The following CADPS2 variants were observed in gnomAD, a reference collection of about 807,000 sequenced individuals.
CADPS2 encodes the protein calcium dependent secretion activator 2.
CADPS2 carries 93 observed loss-of-function variants against 172.5 expected under a neutral mutation model. That is an observed-to-expected ratio of 0.54 (90% CI 0.46 to 0.64). The LOEUF is 0.64. CADPS2 is among the 30% of genes least tolerant of loss of function. The pLI is 0.00. For synonymous variants in CADPS2, 546 were observed against 555.2 expected, an observed-to-expected ratio of 0.98 and a Z score of 0.23; for missense variants, 1,420 against 1,565.9, an observed-to-expected ratio of 0.91 and a Z score of 1.57.
At chr7:122,384,887 G>A (rs554303407) in intron 24 of CADPS2, among the ~76,000 whole-genome samples, 3 of 152,116 alleles carry the variant, frequency 2.0e-5, no homozygotes, top group Admixed American at 2.0e-4. Context: ...TACAGGGGAG[G>A]ATTTTTAAAG....
intron 25 of CADPS2, among the ~76,000 whole-genome samples, chr7:122,364,617 C>T (rs2151178159): frequency 6.6e-6 from 1 of 151,590 alleles, no homozygotes; most frequent in Non-Finnish European, 1.5e-5. Flanking sequence ...GTCTCAGCTA[C>T]TCAGGAGACT....
chr7:122,584,836 T>C (rs2069402883), intron 6 of CADPS2, among the ~76,000 whole-genome samples: 2 of 152,012 alleles, frequency 1.3e-5, no homozygotes, highest in Non-Finnish European at 2.9e-5. Flanking sequence ...CTATTTTTAT[T>C]ACATCAGATT....
chr7:122,625,765 C>A (rs1321770699), intron 4 of CADPS2, among the ~76,000 whole-genome samples: 1 of 151,948 alleles, frequency 6.6e-6, no homozygotes, highest in Non-Finnish European at 1.5e-5. Context: ...ATCTCTCTCT[C>A]TCTCTCTCCC....
intron 2 of CADPS2, among the ~76,000 whole-genome samples, chr7:122,711,771 G>A (rs547508003): frequency 6.6e-6 from 1 of 152,086 alleles, no homozygotes; most frequent in East Asian, 1.9e-4. Context: ...TCCTGCCTCA[G>A]CCCCCTGAAT....
chr7:122,536,078 A>G (rs572430972), intron 8 of CADPS2, among the ~76,000 whole-genome samples: 28 of 152,128 alleles, frequency 1.8e-4, no homozygotes, highest in Non-Finnish European at 3.5e-4. Flanking sequence ...GGTTTCTCCA[A>G]ACCTAAATTT....
chr7:122,424,347 G>C (rs1478491360), intron 17 of CADPS2: 1 of 984,584 alleles, frequency 1.0e-6, no homozygotes, highest in Non-Finnish European at 1.2e-6. Context: ...TTTCGCATCT[G>C]TAAATTCATT....
intron 9 of CADPS2, 127 bp downstream of exon 9, chr7:122,513,122 T>A: frequency 3.1e-6 from 2 of 647,370 alleles, no homozygotes; most frequent in Non-Finnish European, 5.4e-6. Context: ...ATGTACTGCT[T>A]TTATTTAAAG....
chr7:122,660,334 T>G (rs979971004), intron 3 of CADPS2, among the ~76,000 whole-genome samples: 1 of 152,124 alleles, frequency 6.6e-6, no homozygotes, highest in African/African-American at 2.4e-5. Flanking sequence ...TTTAAAAATA[T>G]GTATTTTAAA....
At chr7:122,829,779 TTTAGAAGTCTTCATTAA>T in intron 1 of CADPS2, among the ~76,000 whole-genome samples, 1 of 152,084 alleles carries the variant, frequency 6.6e-6, no homozygotes, top group East Asian at 1.9e-4. Context: ...AATATTTATT[TTTAGAAGTCTTCATTAA>T]TTACAATATC....
intron 1 of CADPS2, among the ~76,000 whole-genome samples, chr7:122,858,017 G>A (rs1815791490): frequency 1.3e-5 from 2 of 152,096 alleles, no homozygotes; most frequent in Non-Finnish European, 2.9e-5. Flanking sequence ...AAAGAACAAA[G>A]CTTCCACAGT....
At chr7:122,713,956 T>C (rs183285059) in intron 2 of CADPS2, among the ~76,000 whole-genome samples, 149 of 152,224 alleles carry the variant, frequency 9.8e-4, no homozygotes, top group African/African-American at 3.4e-3. Flanking sequence ...GCTGGCACAA[T>C]ATTTTTCAAT....
intron 1 of CADPS2, among the ~76,000 whole-genome samples, chr7:122,737,733 TTAAC>T (rs1350567662): frequency 6.6e-6 from 1 of 152,088 alleles, no homozygotes; most frequent in African/African-American, 2.4e-5. Context: ...GGATAAGAAA[TTAAC>T]TAATAGTTAA....
At position 122,737,506 on chromosome 7, in the gene CADPS2, C is replaced by T. The variant is rs1028705444; in HGVS notation, c.340-438G>A. On this transcript the variant is annotated intron_variant, in intron 1 of 29. Transcript: ENST00000449022. ...GATTACAGGCATGAGCCACTGCACC[C>T]GGACACTAATGGTTAGACTTTAAAA... Among the ~76,000 whole-genome samples the T allele has an allele frequency of 2.0e-4, 31 of 152,194 alleles. 1 individual carries two copies. Among genetic ancestry groups the T allele is most frequent in the Admixed American group, 5.2e-4 (8 of 15,286 alleles).
At chr7:122,333,459 A>G (rs2035337549) in intron 28 of CADPS2, among the ~76,000 whole-genome samples, 2 of 152,110 alleles carry the variant, frequency 1.3e-5, no homozygotes, top group Admixed American at 1.3e-4. Flanking sequence ...GTCCCCCAGG[A>G]ACCTTTTTCA....
chr7:122,615,162 C>T lies in CADPS2; in HGVS notation c.1223+19G>A. On this transcript the variant is annotated intron_variant, in intron 6 of 29. Coordinates refer to ENST00000449022, the MANE Select transcript of CADPS2 (RefSeq NM_017954.11). ...AAAAACAAACAACAACAATAATACA[C>T]TTTTTTCAACTGGCTTACTGTGGCC... 7.0e-7 allele frequency: 1 copy of T among 1,427,590 alleles called. No individual in the cohort carries two copies. The highest frequency in any genetic ancestry group is 9.6e-7 in the Non-Finnish European group (1 of 1,045,752). 88.4% of individuals were successfully genotyped at this position (1,427,590 alleles called of 1,614,324 possible).
At chr7:122,496,780 T>C (rs2058765136) in intron 9 of CADPS2, among the ~76,000 whole-genome samples, 2 of 152,300 alleles carry the variant, frequency 1.3e-5, no homozygotes, top group Admixed American at 6.5e-5. Context: ...AGTGTTTTGT[T>C]TGCTTAAAAA....
chr7:122,442,030 C>G (rs1272750333), intron 15 of CADPS2, among the ~76,000 whole-genome samples: 1 of 152,188 alleles, frequency 6.6e-6, no homozygotes, highest in Non-Finnish European at 1.5e-5. Flanking sequence ...TGACATTTGC[C>G]TGTCTACCAT....
intron 9 of CADPS2, among the ~76,000 whole-genome samples, chr7:122,512,215 A>G (rs2060054187): frequency 6.6e-6 from 1 of 152,122 alleles, no homozygotes; most frequent in African/African-American, 2.4e-5. Flanking sequence ...TTATCCAGCA[A>G]TTGATGGATG....
chr7:122,567,426 G>A (rs551323295), intron 7 of CADPS2, among the ~76,000 whole-genome samples: 2 of 152,128 alleles, frequency 1.3e-5, no homozygotes, highest in African/African-American at 4.8e-5. Flanking sequence ...ATCGACTTTG[G>A]TGTGATGCAC....
Sources: allele counts gnomAD v4.1 joint callset (sites outside exome capture counted in the v4.1 genomes callset), GRCh38; gene constraint gnomAD v4.1.1; transcripts MANE v1.5; gene names NCBI Gene and HGNC (gene_info 2026-07-23, HGNC 2026-07-21).